USO1: variants seen among roughly 807,000 people sequenced by gnomAD.
The protein encoded by USO1 is USO1 vesicle transport factor.
USO1 carries 57 observed loss-of-function variants against 124.5 expected under a neutral mutation model. The observed-to-expected ratio is 0.46, with a 90% CI of 0.37 to 0.57. USO1 has a LOEUF of 0.57. Among genes scored for constraint, USO1 ranks in the 20% least tolerant of loss-of-function variants. USO1 has a pLI of 0.00. For missense variants in USO1, 900 were observed against 1,040.6 expected (o/e 0.86, Z 1.86); for synonymous variants, 369 against 362.8 (o/e 1.02, Z -0.19).
intron 5 of USO1, 96 bp downstream of exon 5, chr4:75,770,635 GGTA>G: frequency 6.8e-7 from 1 of 1,473,748 alleles, no homozygotes; most frequent in African/African-American, 1.4e-5. Context: ...TACCTTTAAA[GGTA>G]GTAAAGTTTA....
intron 1 of USO1, among the ~76,000 whole-genome samples, chr4:75,741,554 CCTT>C (rs886238924): frequency 7.4e-5 from 11 of 148,528 alleles, no homozygotes; most frequent in Non-Finnish European, 1.5e-4. Flanking sequence ...TCTTCTATAT[CCTT>C]CTTCTATAAG....
At chr4:75,770,746 AG>A in intron 5 of USO1, 75 bp from the exon 6 acceptor site, 1 of 1,563,030 alleles carries the variant, frequency 6.4e-7, no homozygotes, top group Non-Finnish European at 8.6e-7. Context: ...TTCTGGTAAA[AG>A]TTATTAGTGG....
chr4:75,770,697 CACTT>C (rs3215203), intron 5 of USO1, 121 bp from the exon 6 acceptor site: 416,116 of 1,489,906 alleles, frequency 0.28, 63,560 homozygotes, highest in African/African-American at 0.62. Flanking sequence ...ACTATGTAAT[CACTT>C]AAAGTATGCT....
rs769398111 is a variant in USO1 at position 75,797,492 on chromosome 4, TAC to T, written c.1453-2128_1453-2127del. Among the ~76,000 whole-genome samples the T allele has an allele frequency of 8.1e-4, 121 of 149,096 alleles. 1 individual carries two copies. In the Middle Eastern group the frequency reaches 0.018, roughly 22 times the overall value. On this transcript the variant is annotated intron_variant, in intron 13 of 23. Transcript: ENST00000514213. ...TTATTCTCTCTTTTTTCTTTTTTTT[TAC>T]AGTGTCCCTAGTTAATCTCACTTTT...
At chr4:75,766,223 ACTTTTT>A (rs1721766544) in intron 4 of USO1, among the ~76,000 whole-genome samples, 1 of 152,218 alleles carries the variant, frequency 6.6e-6, no homozygotes, top group Non-Finnish European at 1.5e-5. Context: ...TATAGGATAT[ACTTTTT>A]CTTATGTCTT....
At chr4:75,789,740 C>A (rs1176644849) in intron 10 of USO1, among the ~76,000 whole-genome samples, 1 of 151,752 alleles carries the variant, frequency 6.6e-6, no homozygotes, top group Non-Finnish European at 1.5e-5. Flanking sequence ...AATTTTTTAA[C>A]TCTTTAAATT....
intron 1 of USO1, among the ~76,000 whole-genome samples, chr4:75,729,447 C>T (rs1720566763): frequency 6.6e-6 from 1 of 152,100 alleles, no homozygotes; most frequent in Non-Finnish European, 1.5e-5. Flanking sequence ...TCAAGCAGTT[C>T]TCCTGGCTCA....
At chr4:75,732,959 T>C (rs1720679602) in intron 1 of USO1, among the ~76,000 whole-genome samples, 1 of 145,432 alleles carries the variant, frequency 6.9e-6, no homozygotes, top group African/African-American at 2.5e-5. Flanking sequence ...TAAGGTTATA[T>C]CATAAAATCA....
intron 4 of USO1, among the ~76,000 whole-genome samples, chr4:75,766,512 A>T (rs1721773274): frequency 6.6e-6 from 1 of 152,208 alleles, no homozygotes; most frequent in African/African-American, 2.4e-5. Context: ...AAGGCCAGGG[A>T]CAGTGCTAAA....
intron 4 of USO1, among the ~76,000 whole-genome samples, chr4:75,761,777 A>G (rs1721615025): frequency 6.6e-6 from 1 of 152,246 alleles, no homozygotes; most frequent in Non-Finnish European, 1.5e-5. Context: ...AGAAGGAAAT[A>G]TTCGTATCTA....
intron 13 of USO1, among the ~76,000 whole-genome samples, chr4:75,798,206 T>G (rs1722744041): frequency 6.6e-6 from 1 of 152,236 alleles, no homozygotes; most frequent in Admixed American, 6.5e-5. Context: ...AGCCATGCTT[T>G]TAGAAGATTC....
chr4:75,786,634 A>G (rs1347432208), intron 9 of USO1, among the ~76,000 whole-genome samples: 2 of 152,150 alleles, frequency 1.3e-5, no homozygotes, highest in African/African-American at 4.8e-5. Flanking sequence ...CCTCTCTTTA[A>G]ATATTTCCAG....
chr4:75,765,829 T>C (rs1439647108), intron 4 of USO1, among the ~76,000 whole-genome samples: 6 of 152,196 alleles, frequency 3.9e-5, no homozygotes, highest in South Asian at 2.1e-4. Flanking sequence ...ACTCTAGTTA[T>C]GTTTGAGTAT....
At chr4:75,771,385 C>T (rs1480488991) in intron 7 of USO1, among the ~76,000 whole-genome samples, 1 of 152,168 alleles carries the variant, frequency 6.6e-6, no homozygotes, top group Non-Finnish European at 1.5e-5. Flanking sequence ...CAGACATGAG[C>T]CACTGAGCGT....
chr4:75,788,171 A>ATTTTTTTTT (rs11291010), intron 10 of USO1, among the ~76,000 whole-genome samples: 2 of 123,248 alleles, frequency 1.6e-5, no homozygotes, highest in African/African-American at 6.0e-5. Flanking sequence ...TTATTTATTT[A>ATTTTTTTTT]TTTTTTTTTT....
At chr4:75,780,430 C>G (rs903113058) in intron 8 of USO1, among the ~76,000 whole-genome samples, 1 of 151,294 alleles carries the variant, frequency 6.6e-6, no homozygotes, top group Admixed American at 6.6e-5. Context: ...CTGTGCCCGG[C>G]TAATTTTTTG....
chr4:75,760,387 T>A (rs1415659763), intron 4 of USO1, among the ~76,000 whole-genome samples: 1 of 152,224 alleles, frequency 6.6e-6, no homozygotes, highest in Non-Finnish European at 1.5e-5. Flanking sequence ...TAAATCTGTC[T>A]CGTAGTCCTA....
intron 7 of USO1, among the ~76,000 whole-genome samples, chr4:75,773,380 C>A (rs983779057): frequency 3.3e-5 from 5 of 151,698 alleles, no homozygotes; most frequent in African/African-American, 1.2e-4. Flanking sequence ...TATACTAAGA[C>A]CTTGAAAGCT....
At chr4:75,795,207 C>T (rs1341869531) in intron 13 of USO1, 1 of 633,160 alleles carries the variant, frequency 1.6e-6, no homozygotes, top group East Asian at 2.8e-5. Flanking sequence ...ATCATTAGAA[C>T]CATCCTGTCC....
Sources: allele counts gnomAD v4.1 joint callset (sites outside exome capture counted in the v4.1 genomes callset), GRCh38; gene constraint gnomAD v4.1.1; transcripts MANE v1.5; gene names NCBI Gene and HGNC (gene_info 2026-07-23, HGNC 2026-07-21).